The following GPM6A variants were observed in gnomAD, a reference collection of about 807,000 sequenced individuals.
GPM6A encodes the protein neuronal membrane glycoprotein M6-a.
Under a neutral mutation model 32.1 loss-of-function variants are expected in GPM6A, and 7 were observed. The ratio of observed to expected loss-of-function variants is 0.22; its 90% CI spans 0.12 to 0.41. GPM6A has a LOEUF of 0.41. Among genes scored for constraint, GPM6A ranks in the 10% least tolerant of loss-of-function variants. The pLI is 1.00. For missense variants in GPM6A, 235 were observed against 347.2 expected (o/e 0.68, Z 2.57); for synonymous variants, 130 against 123.4 (o/e 1.05, Z -0.35).
At chr4:175,754,672 C>T (rs1296636187) in intron 1 of GPM6A, among the ~76,000 whole-genome samples, 1 of 152,096 alleles carries the variant, frequency 6.6e-6, no homozygotes, top group Non-Finnish European at 1.5e-5. Flanking sequence ...GGAATGATAG[C>T]CAAGGCCAGT....
chr4:175,959,523 CAG>C (rs1740099776), intron 1 of GPM6A, among the ~76,000 whole-genome samples: 1 of 151,964 alleles, frequency 6.6e-6, no homozygotes, highest in Non-Finnish European at 1.5e-5. Context: ...AAGAAGATAA[CAG>C]AAAGGATGAG....
At chr4:175,944,574 A>T (rs1426571435) in intron 1 of GPM6A, among the ~76,000 whole-genome samples, 1 of 152,238 alleles carries the variant, frequency 6.6e-6, no homozygotes, top group African/African-American at 2.4e-5. Flanking sequence ...GATTATTACC[A>T]CATATGGAGA....
At chr4:175,686,109 T>A (rs1743967935) in intron 2 of GPM6A, among the ~76,000 whole-genome samples, 1 of 152,184 alleles carries the variant, frequency 6.6e-6, no homozygotes, top group Non-Finnish European at 1.5e-5. Flanking sequence ...ACAGGCAGGC[T>A]TACTTTGTGC....
intron 1 of GPM6A, among the ~76,000 whole-genome samples, chr4:175,822,630 A>C (rs947282920): frequency 2.7e-5 from 4 of 148,744 alleles, no homozygotes; most frequent in Non-Finnish European, 5.9e-5. Flanking sequence ...ATTTGAGATA[A>C]TTTATTTAAT....
At chr4:175,921,543 A>G (rs1265901388) in intron 1 of GPM6A, among the ~76,000 whole-genome samples, 1 of 152,154 alleles carries the variant, frequency 6.6e-6, no homozygotes, top group Non-Finnish European at 1.5e-5. Flanking sequence ...TATAAATAAG[A>G]TTACATAATC....
intron 1 of GPM6A, among the ~76,000 whole-genome samples, chr4:175,731,123 A>G (rs909539226): frequency 1.3e-5 from 2 of 152,204 alleles, no homozygotes; most frequent in African/African-American, 2.4e-5. Flanking sequence ...TTACTTGCTA[A>G]TTATAAAAAG....
intron 1 of GPM6A, among the ~76,000 whole-genome samples, chr4:175,826,913 T>C (rs1735457175): frequency 6.6e-6 from 1 of 152,200 alleles, no homozygotes; most frequent in African/African-American, 2.4e-5. Context: ...TACCACTAAC[T>C]CATTACACGA....
chr4:175,636,295 T>TATATATAC (rs201852466), intron 6 of GPM6A, among the ~76,000 whole-genome samples: 78 of 133,386 alleles, frequency 5.8e-4, no homozygotes, highest in Non-Finnish European at 1.1e-3. Context: ...TATATATATA[T>TATATATAC]ATACATATAT....
chr4:175,755,161 G>C (rs1732480338), intron 1 of GPM6A, among the ~76,000 whole-genome samples: 1 of 151,686 alleles, frequency 6.6e-6, no homozygotes, highest in Admixed American at 6.6e-5. Flanking sequence ...ACAGACCCAA[G>C]GAAATACAAC....
chr4:175,975,450 T>A (rs529264874), intron 1 of GPM6A, among the ~76,000 whole-genome samples: 2 of 152,328 alleles, frequency 1.3e-5, no homozygotes, highest in South Asian at 4.1e-4. Context: ...ACCTTGATCA[T>A]GATTATATTT....
intron 1 of GPM6A, among the ~76,000 whole-genome samples, chr4:175,842,107 T>C (rs1735954786): frequency 6.6e-6 from 1 of 152,156 alleles, no homozygotes; most frequent in Non-Finnish European, 1.5e-5. Context: ...GATAAAACAT[T>C]TAAAAATATT....
chr4:175,887,563 A>T (rs11947518), intron 1 of GPM6A, among the ~76,000 whole-genome samples: 5,210 of 152,006 alleles, frequency 0.034, 265 homozygotes, highest in African/African-American at 0.12. Flanking sequence ...TAATTAATAG[A>T]ATTTAAAAAA....
intron 1 of GPM6A, among the ~76,000 whole-genome samples, chr4:175,876,199 G>A (rs1353369873): frequency 1.3e-5 from 2 of 152,052 alleles, no homozygotes; most frequent in Non-Finnish European, 2.9e-5. Flanking sequence ...ATTACTGTGG[G>A]TAGAAACCTA....
At chr4:175,910,364 C>T (rs1738275612) in intron 1 of GPM6A, among the ~76,000 whole-genome samples, 1 of 152,126 alleles carries the variant, frequency 6.6e-6, no homozygotes, top group African/African-American at 2.4e-5. Flanking sequence ...TTTGAACCTG[C>T]TTTGAAGCTG....
chr4:175,663,661 A>AAATC (rs1391789296), intron 3 of GPM6A, among the ~76,000 whole-genome samples: 10 of 152,174 alleles, frequency 6.6e-5, no homozygotes, highest in African/African-American at 2.4e-5. Context: ...TTGTCAATTT[A>AAATC]AATCAATCAA....
intron 1 of GPM6A, among the ~76,000 whole-genome samples, chr4:175,724,459 C>T (rs917953992): frequency 1.3e-5 from 2 of 152,012 alleles, no homozygotes; most frequent in Non-Finnish European, 2.9e-5. Context: ...TGGGGGGAAT[C>T]GCTTGAACCC....
rs1373359870 is a variant in GPM6A at position 175,931,671 on chromosome 4, T to TATACACAC, written c.-23+70637_-23+70638insGTGTGTAT. Among the ~76,000 whole-genome samples, 941 of 136,524 alleles carry TATACACAC rather than the reference T, an allele frequency of 6.9e-3. 16 individuals are homozygous for TATACACAC. The highest frequency in any genetic ancestry group is 0.026 in the African/African-American group (892 of 34,670). The allele number at this position is 136,524 out of a possible 152,430, so 89.6% of individuals were successfully genotyped here. A position where few individuals can be genotyped will look rare whatever the true frequency, so the allele number is the denominator to read the frequency against. On this transcript the variant is annotated intron_variant, in intron 1 of 7. Transcript: ENST00000280187. ...TCTGACAGACATGTGTTAAAAAATA[T>TATACACAC]ACACACACACACACACACACACACA...
intron 1 of GPM6A, among the ~76,000 whole-genome samples, chr4:175,727,774 T>C (rs968813019): frequency 2.6e-5 from 4 of 152,086 alleles, no homozygotes. Context: ...GAGGCCTAGG[T>C]GGGTGGATCA....
intron 1 of GPM6A, among the ~76,000 whole-genome samples, chr4:175,782,036 A>G (rs1409970298): frequency 6.6e-6 from 1 of 152,198 alleles, no homozygotes; most frequent in Non-Finnish European, 1.5e-5. Flanking sequence ...AAATGTAAAA[A>G]TAATAATGGT....
Sources: allele counts gnomAD v4.1 joint callset (sites outside exome capture counted in the v4.1 genomes callset), GRCh38; gene constraint gnomAD v4.1.1; transcripts MANE v1.5; gene names NCBI Gene and HGNC (gene_info 2026-07-23, HGNC 2026-07-21).